PROZ: variants seen among roughly 807,000 people sequenced by gnomAD.
PROZ encodes protein Z, vitamin K dependent plasma glycoprotein.
A neutral mutation model predicts 34.9 loss-of-function variants in PROZ; 46 were observed. That is an observed-to-expected ratio of 1.32 (90% confidence interval 1.04 to 1.69). PROZ has a LOEUF of 1.69. PROZ is among the 40% of genes most tolerant of loss of function. The probability of loss-of-function intolerance (pLI) is 0.00; values close to 1 mark genes in which losing one functional copy is unlikely to be tolerated. For synonymous variants in PROZ, 195 were observed against 208.5 expected (o/e 0.94, Z 0.56); for missense variants, 530 against 520.4 (o/e 1.02, Z -0.18).
At position 113,159,286 on chromosome 13, in the gene PROZ, C is replaced by T. The variant is rs2036719493; in HGVS notation, c.70+556C>T. 1 of 1,529,140 alleles carries T rather than the reference C, an allele frequency of 6.5e-7. No homozygotes were observed. The highest frequency in any genetic ancestry group is 1.4e-5 in the African/African-American group (1 of 72,494). The allele number at this position is 1,529,140 out of a possible 1,614,324, so 94.7% of individuals were successfully genotyped here. A position where few individuals can be genotyped will look rare whatever the true frequency, so the allele number is the denominator to read the frequency against. ...AGCTGCAAGTCAAAACACCCAGCAT[C>T]CCCGCTGGCCCCATGGTCTCCCGCT... On this transcript the variant is annotated intron_variant, in intron 1 of 7. Transcript: ENST00000375547. This position sits in a 1 kb window ranked among gnomAD's most constrained non-coding sequence, Gnocchi z 4.6.
intron 6 of PROZ, 41 bp from the exon 7 acceptor site, chr13:113,170,372 A>G: frequency 7.8e-7 from 1 of 1,281,546 alleles, no homozygotes; most frequent in African/African-American, 1.5e-5. Flanking sequence ...TAATCCTGCA[A>G]ATTGTCACCA....
rs573340799 is a variant in PROZ, at chr13:113,162,781, C to T, written c.260-228C>T. Among the ~76,000 whole-genome samples the T allele has an allele frequency of 6.3e-4, 91 of 144,464 alleles. 2 individuals are homozygous for T. Among genetic ancestry groups the T allele is most frequent in the African/African-American group, 2.1e-3 (80 of 37,710 alleles). The allele number at this position is 144,464 out of a possible 152,430, so 94.8% of individuals were successfully genotyped here. A position where few individuals can be genotyped will look rare whatever the true frequency, so the allele number is the denominator to read the frequency against. ...CCTGCCACGTCCCCCCATCCTCCTC[C>T]TGCTCAGGTCCCCGTCCCTGCTCCA... is the stretch of plus-strand genomic sequence containing the variant. On this transcript the variant is annotated intron_variant, in intron 3 of 7. Transcript: ENST00000375547.
chr13:113,163,492 A>T (rs2036813897), intron 4 of PROZ, among the ~76,000 whole-genome samples: 1 of 152,178 alleles, frequency 6.6e-6, no homozygotes, highest in African/African-American at 2.4e-5. Context: ...GACGCAAAGC[A>T]CGTAAACAAA....
Position 113,165,139 on chromosome 13 carries a change from C to T in PROZ, c.573+19C>T, listed in dbSNP as rs764104536. 4 of 1,604,538 alleles carry T rather than the reference C, an allele frequency of 2.5e-6. No homozygotes were observed. Among genetic ancestry groups the T allele is most frequent in the Non-Finnish European group, 3.4e-6 (4 of 1,176,426 alleles). ...GTGGCAGGTAACAGAGCGCTCTCCGCGTGCTTCAATTTATTGTTATGACTT... is the reference window on the plus strand; with the variant it reads ...GTGGCAGGTAACAGAGCGCTCTCCGTGTGCTTCAATTTATTGTTATGACTT... On this transcript the variant is annotated intron_variant, in intron 6 of 7. Coordinates refer to ENST00000375547, the MANE Select transcript of PROZ (RefSeq NM_003891.3).
Position 113,172,033 on chromosome 13 carries a change from A to G in PROZ, c.1131A>G (p.Gly377=), listed in dbSNP as rs1042475979. 5.0e-6 allele frequency: 8 copies of G among 1,613,126 alleles called. No individual in the cohort carries two copies. The highest frequency in any genetic ancestry group is 6.8e-6 in the Non-Finnish European group (8 of 1,180,022). The change falls in exon 8 of 8, where the codon GGA becomes GGG. Residue 377 remains glycine (G), a synonymous_variant. Coordinates refer to ENST00000375547, the MANE Select transcript of PROZ (RefSeq NM_003891.3). The part of the protein sequence containing the change: ...LTGVLGSQPV[G]GQAHMVLVTK... ...GGGTCCTGGGCTCGCAGCCAGTAGGAGGGCAGGCTCACATGGTCCTTGTCA... is the reference window on the plus strand; with the variant it reads ...GGGTCCTGGGCTCGCAGCCAGTAGGGGGGCAGGCTCACATGGTCCTTGTCA...
At position 113,162,770 on chromosome 13, in the gene PROZ, C is replaced by A. The variant is rs141217364; in HGVS notation, c.260-239C>A. Among the ~76,000 whole-genome samples the A allele has an allele frequency of 6.9e-3, 382 of 55,120 alleles. 10 individuals carry two copies. Among genetic ancestry groups the A allele is most frequent in the Middle Eastern group, 0.036 (3 of 84 alleles). The allele number at this position is 55,120 out of a possible 152,430, so 36.2% of individuals were successfully genotyped here. ...AGGTCCCCGTCCCTGCCACGTCCCCCCATCCTCCTCCTGCTCAGGTCCCCG... is the reference window on the plus strand; with the variant it reads ...AGGTCCCCGTCCCTGCCACGTCCCCACATCCTCCTCCTGCTCAGGTCCCCG... On this transcript the variant is annotated intron_variant, in intron 3 of 7. Transcript: ENST00000375547.
At chr13:113,166,835 T>C (rs1265380203) in intron 6 of PROZ, among the ~76,000 whole-genome samples, 2 of 152,142 alleles carry the variant, frequency 1.3e-5, no homozygotes, top group Non-Finnish European at 2.9e-5. Flanking sequence ...ACCTGCAGGC[T>C]GTCTCCAGCT....
intron 6 of PROZ, 89 bp downstream of exon 6, chr13:113,165,209 T>C (rs1405167856): frequency 3.7e-6 from 5 of 1,356,300 alleles, no homozygotes; most frequent in Non-Finnish European, 4.1e-6. Flanking sequence ...GACAACTAAG[T>C]GAATCAGGCA....
intron 5 of PROZ, 160 bp from the exon 6 acceptor site, chr13:113,164,893 T>C: frequency 2.1e-6 from 2 of 946,064 alleles, no homozygotes; most frequent in South Asian, 2.8e-5. Flanking sequence ...AACTCCAGTC[T>C]GTGTGTCTGT....
At chr13:113,160,818 ATT>A in intron 2 of PROZ, 128 bp from the exon 3 acceptor site, 1 of 783,964 alleles carries the variant, frequency 1.3e-6, no homozygotes, top group Non-Finnish European at 2.2e-6. Flanking sequence ...AAAATTGTGC[ATT>A]GTTTCAACCA....
At chr13:113,161,081 C>A in intron 3 of PROZ, 109 bp downstream of exon 3, 2 of 981,476 alleles carry the variant, frequency 2.0e-6, no homozygotes, top group Non-Finnish European at 3.3e-6. Context: ...AAGCCTCTGG[C>A]TCCAGGACCC....
chr13:113,172,048 G>A lies in PROZ; in HGVS notation c.1146G>A (p.Met382Ile). 1 of 1,613,050 alleles carries A rather than the reference G, an allele frequency of 6.2e-7. No homozygotes were observed. The highest frequency in any genetic ancestry group is 8.5e-7 in the Non-Finnish European group (1 of 1,180,010). ...AGCCAGTAGGAGGGCAGGCTCACATGGTCCTTGTCACCAAGGTCTCCAGGT... is the reference window on the plus strand; with the variant it reads ...AGCCAGTAGGAGGGCAGGCTCACATAGTCCTTGTCACCAAGGTCTCCAGGT... ...GSQPVGGQAH[M>I]VLVTKVSRYS... Residue 382 changes from methionine to isoleucine, a missense_variant, in exon 8 of 8, where the codon ATG becomes ATA. Transcript: ENST00000375547.
In PROZ at chr13:113,164,623, CACAA is replaced by C. The variant is rs779556226; in HGVS notation, c.488_491del (p.Lys163SerfsTer13). ...TCAGGGCTACAGGCTTGGTGAGGAC[CACAA>C]ACAGTGTGTGCCCCACGGTGAGTGC... On this transcript the variant is annotated frameshift_variant, in exon 5 of 8. Transcript: ENST00000375547. LOFTEE classifies it high-confidence loss of function. The C allele has an allele frequency of 2.9e-5, 46 of 1,613,658 alleles. 1 individual carries two copies. The highest frequency in any genetic ancestry group is 6.7e-5 in the Admixed American group (4 of 59,988).
chr13:113,159,884 C>A lies in PROZ; in HGVS notation c.71-130C>A. The A allele has an allele frequency of 9.0e-7, 1 of 1,116,254 alleles. No individual in the cohort carries two copies. The highest frequency in any genetic ancestry group is 1.4e-6 in the Non-Finnish European group (1 of 735,412). The allele number at this position is 1,116,254 out of a possible 1,614,324, so 69.1% of individuals were successfully genotyped here. ...GGGAGTAGCGGGGTGGCCCTGAGGC[C>A]CTCGCAGGCTGAGAGCCTGTGGAGA... On this transcript the variant is annotated intron_variant, in intron 1 of 7. Coordinates refer to ENST00000375547, the MANE Select transcript of PROZ (RefSeq NM_003891.3). The surrounding 1 kb of genome is among the most constrained non-coding windows in gnomAD (Gnocchi z 4.6).
rs767683541 is a variant in PROZ at position 113,163,069 on chromosome 13, G to A, written c.320G>A (p.Trp107Ter). 1.3e-6 allele frequency: 2 copies of A among 1,562,872 alleles called. No individual in the cohort carries two copies. Among genetic ancestry groups the A allele is most frequent in the Non-Finnish European group, 1.7e-6 (2 of 1,153,024 alleles). The change falls in exon 4 of 8, where the codon TGG becomes TAG. Residue 107 changes from tryptophan to a stop codon, truncating the protein, a stop_gained. Transcript: ENST00000375547. LOFTEE classifies it high-confidence loss of function. ...AACGGCTCTTGCCAGGACAGCATCT[G>A]GGGCTACACCTGCACCTGCTCCCCC... ...LHNGSCQDSI[W>*]GYTCTCSPGY...
chr13:113,165,253 C>T (rs2036892341), intron 6 of PROZ, 133 bp downstream of exon 6: 3 of 854,268 alleles, frequency 3.5e-6, no homozygotes, highest in Non-Finnish European at 5.7e-6. Flanking sequence ...CTGCACTGAC[C>T]AACCTCTATT....
In PROZ at chr13:113,172,277, G is replaced by A. The variant is rs748886143; in HGVS notation, c.*172G>A. On this transcript the variant is annotated 3_prime_UTR_variant, in exon 8 of 8. Transcript: ENST00000375547. ...GCCGCCGTTTGCTGGGTTGTTTACC[G>A]AGCACTGTGACCTTTCTTTCCCTGG... 13 of 825,544 alleles carry A rather than the reference G, an allele frequency of 1.6e-5. No homozygotes were observed. The highest frequency in any genetic ancestry group is 3.4e-5 in the African/African-American group (2 of 58,952). 51.1% of individuals were successfully genotyped at this position (825,544 alleles called of 1,614,324 possible).
At position 113,160,005 on chromosome 13, in the gene PROZ, C is replaced by G; in HGVS notation, c.71-9C>G. The G allele has an allele frequency of 6.2e-7, 1 of 1,613,702 alleles. No individual in the cohort carries two copies. The highest frequency in any genetic ancestry group is 1.1e-5 in the South Asian group (1 of 91,064). On this transcript the variant is annotated splice_polypyrimidine_tract_variant and intron_variant, in intron 1 of 7. Transcript: ENST00000375547. ...CTCCCAGTCACCTGCCTTCTTGTCT[C>G]GTCTGTAGTATTTCTCCCGGCCTCC... is the stretch of plus-strand genomic sequence containing the variant.
Position 113,164,570 on chromosome 13 carries a change from G to A in PROZ, c.431G>A (p.Gly144Glu). The A allele has an allele frequency of 1.2e-6, 2 of 1,613,904 alleles. No homozygotes were observed. Among genetic ancestry groups the A allele is most frequent in the Non-Finnish European group, 1.7e-6 (2 of 1,180,020 alleles). The change falls in exon 5 of 8, where the codon GGA becomes GAA. Residue 144 changes from glycine to glutamate, a missense_variant. Transcript: ENST00000375547. ...GGGTGTCAACACTTCTGCCTCCCAG[G>A]ACAGGAATCCTACACATGCAGCTGT... The part of the protein sequence containing the change: ...TDGCQHFCLP[G>E]QESYTCSCAQ...
Sources: allele counts gnomAD v4.1 joint callset (sites outside exome capture counted in the v4.1 genomes callset), GRCh38; gene constraint gnomAD v4.1.1; non-coding constraint Gnocchi (gnomAD v3.1); transcripts MANE v1.5; gene names NCBI Gene and HGNC (gene_info 2026-07-23, HGNC 2026-07-21).